MARCHF3: variants seen among roughly 807,000 people sequenced by gnomAD.
The protein encoded by MARCHF3 is membrane associated ring-CH-type finger 3.
Under a neutral mutation model 24.2 loss-of-function variants are expected in MARCHF3, and 13 were observed. The ratio of observed to expected loss-of-function variants is 0.54; its 90% CI spans 0.35 to 0.85. MARCHF3 has a LOEUF of 0.85. Among genes scored for constraint, MARCHF3 ranks in the 40% least tolerant of loss-of-function variants. The probability of loss-of-function intolerance (pLI) is 0.01; values close to 1 mark genes in which losing one functional copy is unlikely to be tolerated. For synonymous variants in MARCHF3, 144 were observed against 137.3 expected, an observed-to-expected ratio of 1.05 and a Z score of -0.34; for missense variants, 276 against 325.0, an observed-to-expected ratio of 0.85 and a Z score of 1.16.
In MARCHF3 at chr5:126,870,421, T is replaced by C; in HGVS notation, c.*212A>G. The C allele has an allele frequency of 2.1e-6, 1 of 477,560 alleles. No homozygotes were observed. Among genetic ancestry groups the C allele is most frequent in the Non-Finnish European group, 3.8e-6 (1 of 265,640 alleles). The allele number at this position is 477,560 out of a possible 1,614,324, so 29.6% of individuals were successfully genotyped here. ...AACATGTTTGGCAGCTTAGCAAATA[T>C]CATATGATTGCAGCATCCATCATTT... On this transcript the variant is annotated 3_prime_UTR_variant, in exon 5 of 5. Coordinates refer to ENST00000308660, the MANE Select transcript of MARCHF3 (RefSeq NM_178450.5).
intron 1 of MARCHF3, among the ~76,000 whole-genome samples, chr5:126,947,603 G>A (rs959316012): frequency 6.6e-6 from 1 of 152,186 alleles, no homozygotes; most frequent in Non-Finnish European, 1.5e-5. Flanking sequence ...GGGGGATGGT[G>A]ATAATGGCAA....
intron 1 of MARCHF3, among the ~76,000 whole-genome samples, chr5:126,992,405 G>C (rs1437176803): frequency 6.6e-6 from 1 of 152,190 alleles, no homozygotes; most frequent in African/African-American, 2.4e-5. Context: ...GTGACTTATA[G>C]GCAGGCATCT....
chr5:126,893,035 G>C (rs1321362367), intron 3 of MARCHF3, among the ~76,000 whole-genome samples: 1 of 151,818 alleles, frequency 6.6e-6, no homozygotes, highest in African/African-American at 2.4e-5. Flanking sequence ...TATGTGTCGA[G>C]GAATTTATCC....
At chr5:126,989,113 C>A (rs558643847) in intron 1 of MARCHF3, among the ~76,000 whole-genome samples, 67 of 151,984 alleles carry the variant, frequency 4.4e-4, no homozygotes, top group African/African-American at 1.6e-3. Flanking sequence ...GACCCCATCT[C>A]TACAAAAATT....
chr5:126,940,028 C>T (rs1366461774), intron 1 of MARCHF3, among the ~76,000 whole-genome samples: 2 of 152,032 alleles, frequency 1.3e-5, no homozygotes, highest in Non-Finnish European at 2.9e-5. Context: ...AGATCACCAA[C>T]AAAATGCAAA....
chr5:126,957,854 G>A (rs2126820431), intron 1 of MARCHF3, among the ~76,000 whole-genome samples: 1 of 152,102 alleles, frequency 6.6e-6, no homozygotes, highest in East Asian at 1.9e-4. Context: ...TATTTAAGCT[G>A]AACAATAATA....
intron 1 of MARCHF3, among the ~76,000 whole-genome samples, chr5:126,974,293 G>T (rs1409144888): frequency 6.6e-6 from 1 of 152,208 alleles, no homozygotes; most frequent in Non-Finnish European, 1.5e-5. Flanking sequence ...GGGAATGATG[G>T]TCCAGGCTCC....
chr5:126,985,394 C>G (rs1195795855), intron 1 of MARCHF3, among the ~76,000 whole-genome samples: 1 of 151,462 alleles, frequency 6.6e-6, no homozygotes, highest in African/African-American at 2.4e-5. Flanking sequence ...CTTAGTGAAT[C>G]ATATGATGGG....
At chr5:126,926,485 T>C (rs897210533) in intron 1 of MARCHF3, among the ~76,000 whole-genome samples, 1 of 152,186 alleles carries the variant, frequency 6.6e-6, no homozygotes, top group African/African-American at 2.4e-5. Flanking sequence ...GGACTTTGCA[T>C]TTCATCCCCC....
intron 1 of MARCHF3, among the ~76,000 whole-genome samples, chr5:126,998,378 T>C (rs1031915597): frequency 3.3e-5 from 5 of 152,332 alleles, no homozygotes; most frequent in African/African-American, 1.2e-4. Flanking sequence ...AAAGCACTCA[T>C]TGGCTTTCTT....
At chr5:126,873,617 G>A (rs1331984441) in intron 4 of MARCHF3, among the ~76,000 whole-genome samples, 4 of 152,148 alleles carry the variant, frequency 2.6e-5, no homozygotes, top group Non-Finnish European at 5.9e-5. Context: ...AGCCTGAGAC[G>A]CACTGCTTCA....
At chr5:126,871,007 C>T (rs1752948180) in intron 4 of MARCHF3, among the ~76,000 whole-genome samples, 2 of 152,198 alleles carry the variant, frequency 1.3e-5, no homozygotes, top group African/African-American at 4.8e-5. Context: ...ATGGGCAGGG[C>T]TTGCATGGTG....
intron 3 of MARCHF3, among the ~76,000 whole-genome samples, chr5:126,887,567 T>C (rs1050661826): frequency 1.3e-5 from 2 of 152,244 alleles, no homozygotes; most frequent in African/African-American, 4.8e-5. Context: ...GTGTATTTTA[T>C]GCAATTAAGA....
At chr5:126,946,702 GAAC>G (rs988161630) in intron 1 of MARCHF3, among the ~76,000 whole-genome samples, 2 of 151,752 alleles carry the variant, frequency 1.3e-5, no homozygotes, top group African/African-American at 4.8e-5. Flanking sequence ...CCAGGAAAGA[GAAC>G]AACCCACAGA....
intron 3 of MARCHF3, among the ~76,000 whole-genome samples, chr5:126,881,672 A>G (rs2126769495): frequency 6.6e-6 from 1 of 152,324 alleles, no homozygotes; most frequent in African/African-American, 2.4e-5. Context: ...GTATGATCCT[A>G]TATATGTAAG....
At chr5:126,919,490 A>G (rs1749026824) in intron 1 of MARCHF3, among the ~76,000 whole-genome samples, 1 of 152,090 alleles carries the variant, frequency 6.6e-6, no homozygotes, top group Non-Finnish European at 1.5e-5. Context: ...CACAACCCAA[A>G]ACCCCAAGAG....
At chr5:126,930,001 C>T (rs2126803092) in intron 1 of MARCHF3, among the ~76,000 whole-genome samples, 2 of 152,236 alleles carry the variant, frequency 1.3e-5, no homozygotes, top group South Asian at 4.1e-4. Flanking sequence ...AAAGCTCTTT[C>T]CTTTATAAAT....
At chr5:126,894,980 C>T (rs1297250464) in intron 3 of MARCHF3, among the ~76,000 whole-genome samples, 1 of 152,084 alleles carries the variant, frequency 6.6e-6, no homozygotes, top group Non-Finnish European at 1.5e-5. Context: ...TTCACACAGT[C>T]CCATATTTCT....
chr5:126,976,433 C>T (rs1229722179), intron 1 of MARCHF3, among the ~76,000 whole-genome samples: 1 of 152,230 alleles, frequency 6.6e-6, no homozygotes, highest in Non-Finnish European at 1.5e-5. Context: ...GCTACTTGGT[C>T]TCCAGGTTCA....
Sources: allele counts gnomAD v4.1 joint callset (sites outside exome capture counted in the v4.1 genomes callset), GRCh38; gene constraint gnomAD v4.1.1; transcripts MANE v1.5; gene names NCBI Gene and HGNC (gene_info 2026-07-23, HGNC 2026-07-21).